Variants in DPP10 observed in about 807,000 individuals in gnomAD.
DPP10 encodes inactive dipeptidyl peptidase 10.
Under a neutral mutation model 120.9 loss-of-function variants are expected in DPP10, and 33 were observed. The ratio of observed to expected loss-of-function variants is 0.27; its 90% CI spans 0.21 to 0.37. DPP10 has a LOEUF of 0.37. Among genes scored for constraint, DPP10 ranks in the 10% least tolerant of loss-of-function variants. The pLI, the probability that DPP10 is intolerant of heterozygous loss-of-function variation, is 1.00. For synonymous variants in DPP10, 337 were observed against 326.1 expected (o/e 1.03, Z -0.36); for missense variants, 816 against 942.8 (o/e 0.87, Z 1.76).
intron 1 of DPP10, among the ~76,000 whole-genome samples, chr2:114,784,428 C>G (rs992820602): frequency 6.6e-6 from 1 of 152,106 alleles, no homozygotes; most frequent in Non-Finnish European, 1.5e-5. Context: ...TGTTCTTTCT[C>G]CCCATTCAGT....
intron 1 of DPP10, among the ~76,000 whole-genome samples, chr2:114,651,745 G>A (rs1332751095): frequency 1.3e-5 from 2 of 151,902 alleles, no homozygotes; most frequent in South Asian, 4.1e-4. Flanking sequence ...TCAACAATCC[G>A]CAACTGTTAG....
chr2:114,872,258 G>A (rs1690747238), intron 1 of DPP10, among the ~76,000 whole-genome samples: 1 of 152,130 alleles, frequency 6.6e-6, no homozygotes, highest in Admixed American at 6.5e-5. Flanking sequence ...TTCTTCACAT[G>A]GCAACAGGAG....
chr2:115,148,584 G>A (rs887544640), intron 1 of DPP10, among the ~76,000 whole-genome samples: 1 of 152,092 alleles, frequency 6.6e-6, no homozygotes, highest in Admixed American at 6.6e-5. Context: ...AAAAATAATG[G>A]TTGAGAAGGA....
At chr2:115,616,762 T>G (rs937586957) in intron 5 of DPP10, among the ~76,000 whole-genome samples, 1 of 151,984 alleles carries the variant, frequency 6.6e-6, no homozygotes, top group Non-Finnish European at 1.5e-5. Context: ...CCTTTAGAGG[T>G]GTCTCTTTTA....
In DPP10 at chr2:114,546,745, G is replaced by C. The variant is rs1687433698; in HGVS notation, c.60+103907G>C. Among the ~76,000 whole-genome samples, 3 of 152,218 alleles carry C rather than the reference G, an allele frequency of 2.0e-5. No homozygotes were observed. The South Asian group carries it at 6.2e-4, about 32-fold the overall frequency. Reference sequence around the variant, plus strand: ...TGCACACTTAATTGAGGCTCTGTATGAGTCTGATGCTGAGATTAGAAGTCC... The same window carrying C: ...TGCACACTTAATTGAGGCTCTGTATCAGTCTGATGCTGAGATTAGAAGTCC... On this transcript the variant is annotated intron_variant, in intron 1 of 25. Coordinates refer to ENST00000410059, the MANE Select transcript of DPP10 (RefSeq NM_020868.6).
chr2:114,598,883 A>G (rs1053266019), intron 1 of DPP10, among the ~76,000 whole-genome samples: 10 of 151,962 alleles, frequency 6.6e-5, no homozygotes, highest in Middle Eastern at 3.4e-3. Context: ...ATATACATTC[A>G]AATCCTGCTT....
At chr2:114,505,453 A>G (rs1683566018) in intron 1 of DPP10, among the ~76,000 whole-genome samples, 1 of 151,832 alleles carries the variant, frequency 6.6e-6, no homozygotes, top group South Asian at 2.1e-4. Flanking sequence ...CTCAAATGAA[A>G]TTTATGTGTT....
chr2:115,811,305 C>T (rs999543959), intron 19 of DPP10, among the ~76,000 whole-genome samples: 1 of 152,054 alleles, frequency 6.6e-6, no homozygotes, highest in Non-Finnish European at 1.5e-5. Context: ...ACATTTAAAC[C>T]TTGGAAAGAC....
intron 5 of DPP10, among the ~76,000 whole-genome samples, chr2:115,663,141 G>T (rs975417539): frequency 3.3e-5 from 5 of 151,940 alleles, no homozygotes; most frequent in African/African-American, 1.2e-4. Flanking sequence ...TATCCTTTGA[G>T]TTACAAACAA....
At chr2:114,914,346 G>T (rs1162657895) in intron 1 of DPP10, among the ~76,000 whole-genome samples, 2 of 152,208 alleles carry the variant, frequency 1.3e-5, no homozygotes, top group Admixed American at 1.3e-4. Context: ...ACCCTATCAA[G>T]CTAACAGCAG....
At chr2:114,551,305 T>C (rs1286814707) in intron 1 of DPP10, among the ~76,000 whole-genome samples, 3 of 152,204 alleles carry the variant, frequency 2.0e-5, no homozygotes, top group Non-Finnish European at 4.4e-5. Flanking sequence ...TCATGCCCGC[T>C]GCCCCCCTGC....
chr2:115,111,132 T>G (rs954215792), intron 1 of DPP10, among the ~76,000 whole-genome samples: 4 of 152,166 alleles, frequency 2.6e-5, no homozygotes, highest in Admixed American at 6.5e-5. Context: ...CATACACAAG[T>G]AGTAGCTTTT....
chr2:115,821,172 T>G (rs1687780639), intron 21 of DPP10, among the ~76,000 whole-genome samples: 1 of 152,186 alleles, frequency 6.6e-6, no homozygotes, highest in Non-Finnish European at 1.5e-5. Flanking sequence ...TAAACATTGA[T>G]TTTCACTATG....
At chr2:115,496,619 G>A (rs1347092982) in intron 3 of DPP10, among the ~76,000 whole-genome samples, 2 of 151,970 alleles carry the variant, frequency 1.3e-5, no homozygotes, top group African/African-American at 4.8e-5. Context: ...CTCTTGACTA[G>A]GAATCACCAT....
chr2:114,895,679 G>A (rs1692904200), intron 1 of DPP10, among the ~76,000 whole-genome samples: 1 of 152,110 alleles, frequency 6.6e-6, no homozygotes, highest in Non-Finnish European at 1.5e-5. Context: ...TTTGTTTTAA[G>A]CCACTTTGGT....
intron 2 of DPP10, among the ~76,000 whole-genome samples, chr2:115,340,517 A>C (rs1348783096): frequency 6.6e-6 from 1 of 151,958 alleles, no homozygotes; most frequent in Non-Finnish European, 1.5e-5. Flanking sequence ...TATTTTAATA[A>C]AATTTCTATT....
chr2:114,923,220 G>C lies in DPP10; in HGVS notation c.61-386019G>C, dbSNP rs184480617. Among the ~76,000 whole-genome samples the C allele has an allele frequency of 7.9e-3, 1,125 of 142,812 alleles. 6 individuals carry two copies. The highest frequency in any genetic ancestry group is 0.028 in the African/African-American group (1,065 of 38,310). 93.7% of individuals were successfully genotyped at this position (142,812 alleles called of 152,430 possible). On this transcript the variant is annotated intron_variant, in intron 1 of 25. Coordinates refer to ENST00000410059, the MANE Select transcript of DPP10 (RefSeq NM_020868.6). ...TTTTTTTTAGACAGAGTGTCACTCT[G>C]TCACCCAGGCTGGAGTGCAGTGGCG...
At chr2:114,492,661 T>C (rs1217578092) in intron 1 of DPP10, among the ~76,000 whole-genome samples, 1 of 152,188 alleles carries the variant, frequency 6.6e-6, no homozygotes, top group African/African-American at 2.4e-5. Context: ...TTGTCTTAAA[T>C]AGAAGTTAAA....
chr2:115,448,983 G>T (rs1164204200), intron 3 of DPP10, among the ~76,000 whole-genome samples: 1 of 152,060 alleles, frequency 6.6e-6, no homozygotes, highest in Admixed American at 6.6e-5. Context: ...TGGCCAAATA[G>T]AAGACACTCA....
Sources: gnomAD v4.1 joint callset for allele counts (sites outside exome capture counted in the v4.1 genomes callset) on GRCh38, gnomAD v4.1.1 for gene constraint, MANE v1.5 for transcripts, NCBI Gene and HGNC (gene_info 2026-07-23, HGNC 2026-07-21) for gene names.